Variants in GALC observed in about 807,000 individuals in gnomAD.
The protein encoded by GALC is galactosylceramidase, also known as galactocerebrosidase.
GALC carries 77 observed loss-of-function variants against 91.8 expected under a neutral mutation model. That is an observed-to-expected ratio of 0.84 (90% CI 0.70 to 1.01). The LOEUF (loss-of-function observed/expected upper bound fraction) is 1.01. Ranked by LOEUF, GALC falls within the 50% of genes least tolerant of loss-of-function variation. The pLI is 0.00. For missense variants in GALC, 882 were observed against 855.9 expected (o/e 1.03, Z -0.38); for synonymous variants, 357 against 306.7 (o/e 1.16, Z -1.71).
intron 8 of GALC, among the ~76,000 whole-genome samples, 180 bp downstream of exon 8, chr14:87,968,155 T>A (rs1019013277): frequency 6.6e-6 from 1 of 152,152 alleles, no homozygotes; most frequent in African/African-American, 2.4e-5. Flanking sequence ...ATAGACTATA[T>A]TCAAATATAG....
In GALC at chr14:87,947,855, G is replaced by C; in HGVS notation, c.1362C>G (p.Phe454Leu). ...SLWLLDSDGS[F>L]TLSLHEDELF... The stretch of plus-strand genomic sequence containing the variant: ...GCTCATCTTCATGCAGGCTCAGTGT[G>C]AAACTGCCATCGCTGTCAAGGAGCT... The change falls in exon 13 of 17, where the codon TTC (phenylalanine) becomes TTG (leucine). Residue 454 changes from phenylalanine to leucine, a missense_variant. By Grantham distance (22) the Phe-to-Leu change is conservative. Coordinates refer to ENST00000261304, the MANE Select transcript of GALC (RefSeq NM_000153.4). 1 of 1,612,564 alleles carries C rather than the reference G, an allele frequency of 6.2e-7. No individual in the cohort carries two copies. The highest frequency in any genetic ancestry group is 2.2e-5 in the East Asian group (1 of 44,810).
At chr14:87,965,442 G>T in intron 9 of GALC, 63 bp downstream of exon 9, 2 of 1,562,834 alleles carry the variant, frequency 1.3e-6, no homozygotes, top group Admixed American at 3.3e-5. Context: ...TCTTCTCTAA[G>T]TTTTTTTCTG....
intron 9 of GALC, among the ~76,000 whole-genome samples, chr14:87,964,894 A>T (rs1292100586): frequency 2.6e-5 from 4 of 152,158 alleles, no homozygotes; most frequent in African/African-American, 9.7e-5. Context: ...TGAGTAACAT[A>T]AAATCTTCAG....
chr14:87,993,577 CT>C, upstream of GALC: 4 of 1,136,388 alleles, frequency 3.5e-6, no homozygotes. Flanking sequence ...GGTGGAATCA[CT>C]TTGCTTTTGG....
At chr14:87,993,471 G>A (rs1225778067), upstream of GALC, 34 of 1,535,666 alleles carry the variant, frequency 2.2e-5, no homozygotes, top group Non-Finnish European at 2.8e-5. Flanking sequence ...AGGGCCATGA[G>A]TGGCCCTACC....
intron 16 of GALC, among the ~76,000 whole-genome samples, chr14:87,936,896 C>CCATATATATATATATATATATATA (rs1555378200): frequency 8.8e-3 from 31 of 3,536 alleles, no homozygotes; most frequent in Admixed American, 0.016. Context: ...ATATCAGGTA[C>CCATATATATATATATATATATATA]TATATATATA....
In GALC at chr14:87,976,480, T is replaced by C. The variant is rs1886498971; in HGVS notation, c.630A>G (p.Arg210=). Residue 210 remains arginine, a synonymous_variant, in exon 7 of 17, where the codon AGA becomes AGG. Coordinates refer to ENST00000261304, the MANE Select transcript of GALC (RefSeq NM_000153.4). ...SYNANYIKIL[R]KMLNYQGLQR... ...GGAGACCTTGATAATTCAGCATTTT[T>C]CTTAATATCTTTTGGAGTAAGAAAC... is the stretch of plus-strand genomic sequence containing the variant. The C allele has an allele frequency of 6.2e-7, 1 of 1,612,252 alleles. No individual in the cohort carries two copies. The highest frequency in any genetic ancestry group is 1.3e-5 in the African/African-American group (1 of 74,898).
chr14:87,987,252 C>T (rs1043251841), intron 3 of GALC, among the ~76,000 whole-genome samples: 5 of 152,144 alleles, frequency 3.3e-5, no homozygotes, highest in Admixed American at 1.3e-4. Flanking sequence ...TAGGGCCTTC[C>T]GAGAGGCCCT....
Position 87,939,999 on chromosome 14 carries a change from T to A in GALC, c.1835-18A>T, listed in dbSNP as rs184373078. ...CCATCCAGCTGTAACACAAAAATAT[T>A]ATCCCAATAGATATAATTTTGAGAT... is the stretch of plus-strand genomic sequence containing the variant. On this transcript the variant is annotated intron_variant, in intron 15 of 16. Transcript: ENST00000261304. 2 of 1,571,092 alleles carry A rather than the reference T, an allele frequency of 1.3e-6. No individual in the cohort carries two copies. The highest frequency in any genetic ancestry group is 4.5e-5 in the East Asian group (2 of 44,592).
chr14:87,964,286 C>T (rs909759301), intron 9 of GALC, among the ~76,000 whole-genome samples: 4 of 152,004 alleles, frequency 2.6e-5, no homozygotes, highest in Non-Finnish European at 5.9e-5. Context: ...GATTACAAAT[C>T]TGTCTTAGGA....
At chr14:87,961,825 TG>T (rs796678180) in intron 10 of GALC, among the ~76,000 whole-genome samples, 2 of 152,324 alleles carry the variant, frequency 1.3e-5, no homozygotes, top group African/African-American at 4.8e-5. Context: ...CCTGCTCTTC[TG>T]GATCTCTGCC....
At chr14:87,965,838 G>T (rs568031991) in intron 8 of GALC, among the ~76,000 whole-genome samples, 2 of 152,202 alleles carry the variant, frequency 1.3e-5, no homozygotes, top group Admixed American at 1.3e-4. Flanking sequence ...TATTTTTAAT[G>T]GTGAATCACA....
intron 8 of GALC, among the ~76,000 whole-genome samples, chr14:87,967,531 T>C (rs1886106595): frequency 6.7e-6 from 1 of 149,976 alleles, no homozygotes; most frequent in Non-Finnish European, 1.5e-5. Flanking sequence ...TTGTTCTATT[T>C]ATCATTGTTT....
intron 12 of GALC, 98 bp downstream of exon 12, chr14:87,949,747 C>G (rs1285551181): frequency 2.9e-6 from 2 of 693,314 alleles, no homozygotes; most frequent in African/African-American, 3.7e-5. Flanking sequence ...AACACACAAA[C>G]TTATAAAAAT....
chr14:87,976,457 A>G lies in GALC; in HGVS notation c.653T>C (p.Leu218Pro). Residue 218 changes from leucine to proline, a missense_variant, in exon 7 of 17, where the codon CTC becomes CCC. By Grantham distance (98) the Leu-to-Pro change is moderately conservative. Transcript: ENST00000261304. ...ACTTGCTATGATTTTCACTCGCTGG[A>G]GACCTTGATAATTCAGCATTTTTCT... is the stretch of plus-strand genomic sequence containing the variant. ...ILRKMLNYQG[L>P]QRVKIIASDN... 1 of 1,613,240 alleles carries G rather than the reference A, an allele frequency of 6.2e-7. No individual in the cohort carries two copies. Among genetic ancestry groups the G allele is most frequent in the Non-Finnish European group, 8.5e-7 (1 of 1,179,202 alleles).
chr14:87,966,041 A>C (rs1886040052), intron 8 of GALC, among the ~76,000 whole-genome samples: 1 of 152,172 alleles, frequency 6.6e-6, no homozygotes, highest in Admixed American at 6.6e-5. Context: ...AATTTTTATG[A>C]ACTTGACTCT....
rs146880216 is a variant in GALC, at chr14:87,976,605, T to TTTTG, written c.622-121_622-118dup. 1,283 of 829,438 alleles carry TTTTG rather than the reference T, an allele frequency of 1.5e-3. 14 individuals are homozygous for TTTTG. Among genetic ancestry groups the TTTTG allele is most frequent in the South Asian group, 0.01 (707 of 67,388 alleles). The allele number at this position is 829,438 out of a possible 1,614,324, so 51.4% of individuals were successfully genotyped here. On this transcript the variant is annotated intron_variant, in intron 6 of 16. Transcript: ENST00000261304. ...AATCAGCGTTCTGGATAATAGCTTC[T>TTTTG]TTTGTTTGTTTGTTTGTTTGTTTTT...
chr14:87,945,958 T>TA (rs1370974931), intron 13 of GALC, among the ~76,000 whole-genome samples: 1 of 152,096 alleles, frequency 6.6e-6, no homozygotes, highest in African/African-American at 2.4e-5. Flanking sequence ...GCATAATATT[T>TA]AATCCAGGCA....
intron 10 of GALC, among the ~76,000 whole-genome samples, chr14:87,960,592 G>C (rs1885760168): frequency 6.6e-6 from 1 of 152,134 alleles, no homozygotes; most frequent in African/African-American, 2.4e-5. Context: ...GACAGCTACA[G>C]TACCTAAGAC....
Sources: gnomAD v4.1 joint callset for allele counts (sites outside exome capture counted in the v4.1 genomes callset) on GRCh38, gnomAD v4.1.1 for gene constraint, MANE v1.5 for transcripts, NCBI Gene and HGNC (gene_info 2026-07-23, HGNC 2026-07-21) for gene names.